Variants in RNF130 observed in about 807,000 individuals in gnomAD.
The protein encoded by RNF130 is ring finger protein 130.
RNF130 carries 21 observed loss-of-function variants against 44.6 expected under a neutral mutation model. The ratio of observed to expected loss-of-function variants is 0.47; its 90% CI spans 0.33 to 0.68. The LOEUF is 0.68. RNF130 is among the 30% of genes least tolerant of loss of function. The pLI is 0.02. For missense variants in RNF130, 479 were observed against 560.6 expected, an observed-to-expected ratio of 0.85 and a Z score of 1.47; for synonymous variants, 214 against 210.4, an observed-to-expected ratio of 1.02 and a Z score of -0.15.
chr5:180,043,367 A>C (rs1449709326), intron 1 of RNF130, among the ~76,000 whole-genome samples: 10 of 152,022 alleles, frequency 6.6e-5, no homozygotes, highest in Admixed American at 6.6e-4. Flanking sequence ...TGCTTAAAAA[A>C]CACTCTTTCC....
chr5:180,021,021 C>T (rs559196493), intron 2 of RNF130, among the ~76,000 whole-genome samples: 139 of 112,928 alleles, frequency 1.2e-3, no homozygotes, highest in South Asian at 5.0e-3. Context: ...CTCACTCTGT[C>T]GCCAGGCTGG....
intron 1 of RNF130, among the ~76,000 whole-genome samples, chr5:180,045,847 G>C (rs1184638017): frequency 9.2e-5 from 14 of 152,226 alleles, no homozygotes; most frequent in Admixed American, 8.5e-4. Flanking sequence ...ACAGAGTGCT[G>C]ATTGGTGCAT....
intron 7 of RNF130, among the ~76,000 whole-genome samples, chr5:179,933,061 G>A (rs113576113): frequency 0.017 from 2,654 of 152,242 alleles, 71 homozygotes; most frequent in African/African-American, 0.059. Context: ...GCGCAGAGGA[G>A]CGATTACCAG....
chr5:179,938,245 AC>A (rs1490241075), intron 7 of RNF130, among the ~76,000 whole-genome samples: 4 of 152,136 alleles, frequency 2.6e-5, no homozygotes, highest in Admixed American at 6.5e-5. Flanking sequence ...GGCACGAGTC[AC>A]CGCGCCCAAC....
rs1561678938 is a variant in RNF130, at chr5:179,980,202, T to C, written c.694-2A>G. 6.2e-7 allele frequency: 1 copy of C among 1,613,982 alleles called. No homozygotes were observed. Among genetic ancestry groups the C allele is most frequent in the Non-Finnish European group, 8.5e-7 (1 of 1,179,866 alleles). On this transcript the variant is annotated splice_acceptor_variant, in intron 3 of 8. Coordinates refer to ENST00000521389, the MANE Select transcript of RNF130 (RefSeq NM_018434.6). LOFTEE classifies it high-confidence loss of function. The stretch of plus-strand genomic sequence containing the variant: ...CTTGGCTGCATCTCCGAGACGACGC[T>C]ATGAAAATTGCAAATAAAAACAGAT...
chr5:179,950,355 G>A (rs750218665), downstream of RNF130, among the ~76,000 whole-genome samples: 1 of 152,120 alleles, frequency 6.6e-6, no homozygotes, highest in Non-Finnish European at 1.5e-5. Flanking sequence ...GGGCTCAACT[G>A]ATCCACTTGC....
At chr5:179,914,123 A>C (rs1761506804) in exon 8 of RNF130, 2 of 152,222 alleles carry the variant, frequency 1.3e-5, no homozygotes, top group African/African-American at 4.8e-5. Flanking sequence ...GGCTGAAAGG[A>C]GGGTGTGTCG....
At chr5:180,003,688 A>AT (rs3839292) in intron 3 of RNF130, among the ~76,000 whole-genome samples, 26,855 of 151,958 alleles carry the variant, frequency 0.18, 2,727 homozygotes, top group Middle Eastern at 0.24. Context: ...AAAAGCCACT[A>AT]TTTTTTTAAA....
At chr5:179,944,258 C>T (rs910945315) in intron 7 of RNF130, among the ~76,000 whole-genome samples, 2 of 152,048 alleles carry the variant, frequency 1.3e-5, no homozygotes, top group Admixed American at 6.6e-5. Context: ...CGTGAGCCAC[C>T]GCACCCAGCC....
At chr5:180,062,328 G>A (rs144400995) in intron 1 of RNF130, among the ~76,000 whole-genome samples, 12,772 of 151,884 alleles carry the variant, frequency 0.084, 735 homozygotes, top group East Asian at 0.21. Flanking sequence ...CCAAAGTGCT[G>A]GGATTACAGG....
At chr5:179,981,853 G>A (rs1762848351) in intron 3 of RNF130, among the ~76,000 whole-genome samples, 1 of 152,130 alleles carries the variant, frequency 6.6e-6, no homozygotes, top group African/African-American at 2.4e-5. Context: ...CTTCTGTCAC[G>A]CTGGTTTTAA....
chr5:179,933,421 T>TGTGTGTGTGTGTGTGTGA (rs1434531283), intron 7 of RNF130, among the ~76,000 whole-genome samples: 1 of 151,992 alleles, frequency 6.6e-6, no homozygotes, highest in South Asian at 2.1e-4. Flanking sequence ...TGTGTGTGTG[T>TGTGTGTGTGTGTGTGTGA]GAGTGTGTGG....
chr5:180,054,739 A>G (rs1173475848), intron 1 of RNF130, among the ~76,000 whole-genome samples: 4 of 152,140 alleles, frequency 2.6e-5, no homozygotes, highest in Non-Finnish European at 1.5e-5. Flanking sequence ...AAGTTCTGGT[A>G]TTTTCACAGG....
Position 179,973,504 on chromosome 5 carries a change from C to T in RNF130, c.849-2998G>A, listed in dbSNP as rs75469689. ...TCTCAGCTAAGGACTGGGCCAGGGG[C>T]GTTTAATCTACCTTGGGAAGTGTCT... On this transcript the variant is annotated intron_variant, in intron 5 of 8. Transcript: ENST00000521389. Among the ~76,000 whole-genome samples the T allele has an allele frequency of 3.4e-3, 522 of 152,344 alleles. 1 individual carries two copies. Among genetic ancestry groups the T allele is most frequent in the Non-Finnish European group, 5.0e-3 (339 of 68,032 alleles).
chr5:179,966,730 C>T lies in RNF130; in HGVS notation c.1150+76G>A. The T allele has an allele frequency of 2.2e-6, 3 of 1,345,792 alleles. No homozygotes were observed. The South Asian group carries it at 3.7e-5, about 17-fold the overall frequency. The allele number at this position is 1,345,792 out of a possible 1,614,324, so 83.4% of individuals were successfully genotyped here. On this transcript the variant is annotated intron_variant, in intron 7 of 8. Transcript: ENST00000521389. ...CTGTGTTGCAGGCTGAGGCGAGTGC[C>T]TTGACTCTCCTGATGGTCCCGAATG...
intron 1 of RNF130, among the ~76,000 whole-genome samples, chr5:180,056,680 C>T (rs1222055723): frequency 6.6e-6 from 1 of 152,138 alleles, no homozygotes; most frequent in Non-Finnish European, 1.5e-5. Flanking sequence ...CTTATGGACA[C>T]TCAAATGTAT....
At chr5:179,913,284 G>T (rs1243687028) in exon 8 of RNF130, 1 of 152,344 alleles carries the variant, frequency 6.6e-6, no homozygotes, top group African/African-American at 2.4e-5. Flanking sequence ...AGCCCAGGCG[G>T]AGGTCTGAGC....
At chr5:179,983,248 G>A (rs1482604657) in intron 3 of RNF130, among the ~76,000 whole-genome samples, 1 of 149,750 alleles carries the variant, frequency 6.7e-6, no homozygotes, top group African/African-American at 2.5e-5. Flanking sequence ...AGACTTCCCC[G>A]TTTTCTCTTC....
At chr5:179,933,760 C>A (rs866327019) in intron 7 of RNF130, 8 of 465,772 alleles carry the variant, frequency 1.7e-5, no homozygotes, top group South Asian at 1.7e-4. Context: ...TAGGCGCAAG[C>A]GATTCACCTA....
Sources: gnomAD v4.1 joint callset for allele counts (sites outside exome capture counted in the v4.1 genomes callset) on GRCh38, gnomAD v4.1.1 for gene constraint, MANE v1.5 for transcripts, NCBI Gene and HGNC (gene_info 2026-07-23, HGNC 2026-07-21) for gene names.